CNIH3: variants seen among roughly 807,000 people sequenced by gnomAD.
The protein encoded by CNIH3 is cornichon family AMPA receptor auxiliary protein 3, also known as protein cornichon homolog 3.
Under a neutral mutation model 24.1 loss-of-function variants are expected in CNIH3, and 14 were observed. The observed-to-expected ratio is 0.58, with a 90% CI of 0.38 to 0.91. The LOEUF is 0.91. Ranked by LOEUF, CNIH3 falls within the 40% of genes least tolerant of loss-of-function variation. The pLI is 0.00. For synonymous variants in CNIH3, 68 were observed against 73.8 expected (o/e 0.92, Z 0.40); for missense variants, 178 against 196.8 (o/e 0.90, Z 0.57).
intron 1 of CNIH3, among the ~76,000 whole-genome samples, chr1:224,639,228 C>T (rs1462504366): frequency 6.6e-6 from 1 of 152,242 alleles, no homozygotes; most frequent in Non-Finnish European, 1.5e-5. Context: ...CTAGCATTCT[C>T]TTCAAGTGGA....
Position 224,601,500 on chromosome 1 carries a change from C to A in CNIH3, n.402+35236C>A, listed in dbSNP as rs556584515. Among the ~76,000 whole-genome samples, 862 of 152,284 alleles carry A rather than the reference C, an allele frequency of 5.7e-3. 2 individuals carry two copies. The highest frequency in any genetic ancestry group is 9.3e-3 in the Non-Finnish European group (630 of 68,030). ...CAGGTCTTTTCTATCTATTGGGAGA[C>A]TGGCTTTCCCTGGCGCTGGCTGTGA... is the stretch of plus-strand genomic sequence containing the variant. On this transcript the variant is annotated intron_variant and non_coding_transcript_variant, in intron 3 of 7. Coordinates refer to the CNIH3 transcript ENST00000478120.
At chr1:224,737,925 C>T (rs1308838881) in intron 5 of CNIH3, among the ~76,000 whole-genome samples, 2 of 152,172 alleles carry the variant, frequency 1.3e-5, no homozygotes, top group Non-Finnish European at 2.9e-5. Context: ...GCTAGTGAGC[C>T]CAGTGTGAAC....
At chr1:224,653,917 A>T (rs2936575) in intron 1 of CNIH3, among the ~76,000 whole-genome samples, 87,602 of 151,886 alleles carry the variant, frequency 0.58, 27,279 homozygotes, top group African/African-American at 0.81. Flanking sequence ...TGTCTCTATT[A>T]AAAAAATGAA....
Position 224,677,552 on chromosome 1 carries a change from C to T in CNIH3, c.82-3406C>T, listed in dbSNP as rs1269708013. Among the ~76,000 whole-genome samples the T allele has an allele frequency of 2.0e-5, 3 of 152,198 alleles. No homozygotes were observed. In the East Asian group the frequency reaches 5.8e-4, roughly 29 times the overall value. Reference sequence around the variant, plus strand: ...AGCACCCATGAAGGACCTCTTATCTCATGGAGCTCAAAGGCATAAGCCACA... The same window carrying T: ...AGCACCCATGAAGGACCTCTTATCTTATGGAGCTCAAAGGCATAAGCCACA... On this transcript the variant is annotated intron_variant, in intron 1 of 5. Transcript: ENST00000272133.
intron 1 of CNIH3, among the ~76,000 whole-genome samples, chr1:224,652,178 T>A (rs1684889119): frequency 6.6e-6 from 1 of 152,134 alleles, no homozygotes; most frequent in African/African-American, 2.4e-5. Flanking sequence ...GTAATGGGCC[T>A]TGTGACTTCA....
At chr1:224,473,268 TAAGAG>T (rs1283828016) in intron 1 of CNIH3, among the ~76,000 whole-genome samples, 1 of 151,426 alleles carries the variant, frequency 6.6e-6, no homozygotes, top group Admixed American at 6.6e-5. Context: ...AGGAAGGAAA[TAAGAG>T]AAGACCATAA....
chr1:224,688,881 C>T (rs1248218988), intron 3 of CNIH3, among the ~76,000 whole-genome samples: 6 of 149,300 alleles, frequency 4.0e-5, no homozygotes, highest in African/African-American at 7.4e-5. Context: ...GCCGAGATCG[C>T]GCCATTGCAC....
At chr1:224,456,669 C>T (rs1007501677) in intron 1 of CNIH3, among the ~76,000 whole-genome samples, 8 of 152,194 alleles carry the variant, frequency 5.3e-5, no homozygotes, top group African/African-American at 1.7e-4. Context: ...CCTCGGCCTC[C>T]GAAAGTGCCG....
intron 3 of CNIH3, among the ~76,000 whole-genome samples, chr1:224,692,428 C>T (rs749317378): frequency 4.2e-4 from 64 of 152,112 alleles, no homozygotes; most frequent in Admixed American, 1.0e-3. Flanking sequence ...TCCTACAGGG[C>T]TCTGGAGGGA....
intron 1 of CNIH3, among the ~76,000 whole-genome samples, chr1:224,656,995 C>T (rs778560952): frequency 6.6e-6 from 1 of 152,170 alleles, no homozygotes; most frequent in African/African-American, 2.4e-5. Flanking sequence ...CAACTGGAGT[C>T]CCCTTGGCTA....
chr1:224,630,443 T>G (rs182258935), intron 1 of CNIH3, among the ~76,000 whole-genome samples: 2 of 152,022 alleles, frequency 1.3e-5, no homozygotes, highest in East Asian at 3.9e-4. Flanking sequence ...CTGCCTTGAG[T>G]CACAAACGTG....
intron 5 of CNIH3, among the ~76,000 whole-genome samples, chr1:224,735,417 C>T (rs911372338): frequency 6.6e-6 from 1 of 152,184 alleles, no homozygotes; most frequent in African/African-American, 2.4e-5. Flanking sequence ...CCTTCCTGCT[C>T]CTCTTTGGCT....
chr1:224,500,776 A>C (rs2124869708), intron 1 of CNIH3, among the ~76,000 whole-genome samples: 1 of 152,316 alleles, frequency 6.6e-6, no homozygotes, highest in Admixed American at 6.5e-5. Flanking sequence ...CACCAACCCC[A>C]GTCGCCAGTG....
intron 1 of CNIH3, among the ~76,000 whole-genome samples, chr1:224,657,327 C>T (rs114978212): frequency 5.2e-4 from 79 of 152,052 alleles, no homozygotes; most frequent in African/African-American, 1.7e-3. Context: ...AAAGCCAGTC[C>T]GCTATGGTTT....
chr1:224,637,670 T>C (rs1345588410), intron 1 of CNIH3, among the ~76,000 whole-genome samples: 1 of 152,182 alleles, frequency 6.6e-6, no homozygotes, highest in Non-Finnish European at 1.5e-5. Context: ...ATGAACAAGG[T>C]AATGGCTGGC....
At chr1:224,718,206 A>T (rs993369366) in intron 3 of CNIH3, among the ~76,000 whole-genome samples, 1 of 152,140 alleles carries the variant, frequency 6.6e-6, no homozygotes, top group African/African-American at 2.4e-5. Flanking sequence ...GAGGGAGACG[A>T]TACTAGATTG....
intron 1 of CNIH3, among the ~76,000 whole-genome samples, chr1:224,635,900 G>C (rs551751116): frequency 6.6e-6 from 1 of 152,040 alleles, no homozygotes; most frequent in South Asian, 2.1e-4. Context: ...TTCTAGAAAT[G>C]GGGGGGTCTC....
chr1:224,492,649 TAAG>T (rs1219235685), intron 1 of CNIH3, among the ~76,000 whole-genome samples: 2 of 152,214 alleles, frequency 1.3e-5, no homozygotes, highest in African/African-American at 2.4e-5. Flanking sequence ...AGAATTTTAA[TAAG>T]AAGATTTTAT....
chr1:224,572,547 C>A (rs1264553236), intron 4 of CNIH3, among the ~76,000 whole-genome samples: 2 of 149,998 alleles, frequency 1.3e-5, no homozygotes, highest in South Asian at 2.1e-4. Flanking sequence ...ATTCACTACA[C>A]CCCTGATCTA....
Sources: allele counts gnomAD v4.1 joint callset (sites outside exome capture counted in the v4.1 genomes callset), GRCh38; gene constraint gnomAD v4.1.1; transcripts MANE v1.5; gene names NCBI Gene and HGNC (gene_info 2026-07-23, HGNC 2026-07-21).